The following ARHGAP24 variants were observed in gnomAD, a reference collection of about 807,000 sequenced individuals.
ARHGAP24 encodes the protein rho GTPase-activating protein 24.
In ARHGAP24, 50 loss-of-function variants were observed where a neutral mutation model predicts 76.4. That is an observed-to-expected ratio of 0.65 (90% CI 0.52 to 0.83). The LOEUF (loss-of-function observed/expected upper bound fraction) is 0.83, where lower values mean the gene tolerates loss of function less well. Ranked by LOEUF, ARHGAP24 falls within the 40% of genes least tolerant of loss-of-function variation. The probability of loss-of-function intolerance (pLI) is 0.00; values close to 1 mark genes in which losing one functional copy is unlikely to be tolerated. For synonymous variants in ARHGAP24, 345 were observed against 323.3 expected, an observed-to-expected ratio of 1.07 and a Z score of -0.72; for missense variants, 930 against 914.2, an observed-to-expected ratio of 1.02 and a Z score of -0.22.
At chr4:85,637,539 A>C (rs772132189) in intron 2 of ARHGAP24, among the ~76,000 whole-genome samples, 1 of 152,074 alleles carries the variant, frequency 6.6e-6, no homozygotes, top group Non-Finnish European at 1.5e-5. Context: ...CACTAGCCGC[A>C]TGGGGCTAAC....
chr4:85,852,860 G>A (rs1731317418), intron 3 of ARHGAP24, among the ~76,000 whole-genome samples: 2 of 152,300 alleles, frequency 1.3e-5, no homozygotes, highest in East Asian at 1.9e-4. Flanking sequence ...TCCCAGAGGG[G>A]CATACGGCAG....
intron 2 of ARHGAP24, among the ~76,000 whole-genome samples, chr4:85,691,779 C>A (rs1456367550): frequency 6.6e-6 from 1 of 152,116 alleles, no homozygotes; most frequent in East Asian, 1.9e-4. Context: ...TTGGGTGTTA[C>A]CTTTTTTATC....
chr4:85,784,581 T>C (rs943128761), intron 3 of ARHGAP24, among the ~76,000 whole-genome samples: 2 of 151,946 alleles, frequency 1.3e-5, no homozygotes, highest in African/African-American at 4.8e-5. Context: ...CAGCCCCTGC[T>C]CAGCCTGCAC....
chr4:85,897,453 G>A (rs1734240509), intron 3 of ARHGAP24, among the ~76,000 whole-genome samples: 1 of 152,094 alleles, frequency 6.6e-6, no homozygotes, highest in Admixed American at 6.5e-5. Flanking sequence ...AAAATGTTAA[G>A]GCATTATTTA....
chr4:85,561,841 G>C (rs1368412568), intron 1 of ARHGAP24, among the ~76,000 whole-genome samples: 3 of 152,158 alleles, frequency 2.0e-5, no homozygotes, highest in South Asian at 4.1e-4. Context: ...CCAAAGGGGA[G>C]ACAGAGAAAT....
At chr4:85,819,690 G>A (rs1257079982) in intron 3 of ARHGAP24, among the ~76,000 whole-genome samples, 2 of 152,120 alleles carry the variant, frequency 1.3e-5, no homozygotes, top group African/African-American at 2.4e-5. Flanking sequence ...AGGCTGAGGC[G>A]GGCAGATCAC....
chr4:85,980,139 A>C (rs1239506122), intron 8 of ARHGAP24, among the ~76,000 whole-genome samples: 1 of 152,214 alleles, frequency 6.6e-6, no homozygotes, highest in Non-Finnish European at 1.5e-5. Flanking sequence ...ATTTTAAGGC[A>C]AGCTAGATGC....
intron 2 of ARHGAP24, among the ~76,000 whole-genome samples, chr4:85,698,690 C>T (rs572306661): frequency 1.3e-5 from 2 of 152,152 alleles, no homozygotes; most frequent in African/African-American, 2.4e-5. Context: ...TGGGTTCTGG[C>T]GAGGGCTTCT....
intron 5 of ARHGAP24, among the ~76,000 whole-genome samples, chr4:85,960,374 A>C (rs970575523): frequency 6.6e-6 from 1 of 152,166 alleles, no homozygotes; most frequent in African/African-American, 2.4e-5. Flanking sequence ...GTTGAGATAA[A>C]TGTCTGTGAT....
chr4:85,598,842 G>A (rs1398494381), intron 2 of ARHGAP24, among the ~76,000 whole-genome samples: 1 of 150,534 alleles, frequency 6.6e-6, no homozygotes, highest in Non-Finnish European at 1.5e-5. Context: ...TACAGTGCAG[G>A]TCATAACTTT....
intron 3 of ARHGAP24, among the ~76,000 whole-genome samples, chr4:85,763,864 T>C (rs575400601): frequency 5.9e-5 from 9 of 152,164 alleles, no homozygotes. Flanking sequence ...AGAACTAGAG[T>C]CCTTCACAAT....
chr4:86,000,781 G>A lies in ARHGAP24; in HGVS notation c.*59G>A. On this transcript the variant is annotated 3_prime_UTR_variant, in exon 10 of 10. Transcript: ENST00000395184. The stretch of plus-strand genomic sequence containing the variant: ...GCAAGGACTCCAGGGATTCTGGTGG[G>A]ATATGACTTAGAACCAGGTGGCTGG... The A allele has an allele frequency of 6.2e-7, 1 of 1,610,300 alleles. No individual in the cohort carries two copies. Among genetic ancestry groups the A allele is most frequent in the Admixed American group, 1.7e-5 (1 of 59,792 alleles).
rs1211295414 is a variant in ARHGAP24 at position 85,909,623 on chromosome 4, A to G, written c.269-14025A>G. 2.0e-5 allele frequency among the ~76,000 whole-genome samples: 3 copies of G among 152,248 alleles called. No individual in the cohort carries two copies. The East Asian group carries it at 5.8e-4, about 29-fold the overall frequency. The stretch of plus-strand genomic sequence containing the variant: ...ACTTCTAATACTGCTGCATAAACCC[A>G]TGGGTGTTCATTAAGTGTTAATTAA... On this transcript the variant is annotated intron_variant, in intron 3 of 9. Transcript: ENST00000395184.
At chr4:85,768,212 A>G (rs532608989) in intron 3 of ARHGAP24, among the ~76,000 whole-genome samples, 2 of 152,368 alleles carry the variant, frequency 1.3e-5, no homozygotes, top group African/African-American at 4.8e-5. Context: ...GGCAAGTAAC[A>G]GTTTGATTTA....
rs1726157527 is a variant in ARHGAP24, at chr4:85,551,956, A to G, written c.-20-18566A>G. On this transcript the variant is annotated intron_variant, in intron 1 of 9. Coordinates refer to ENST00000395184, the MANE Select transcript of ARHGAP24 (RefSeq NM_001025616.3). The stretch of plus-strand genomic sequence containing the variant: ...TAGCTAATGGTCTACCTTATTTATT[A>G]TTTAAAAAACTCATGGATTCATTGA... Among the ~76,000 whole-genome samples the G allele has an allele frequency of 3.9e-5, 6 of 151,940 alleles. 1 individual carries two copies. The South Asian group carries it at 1.2e-3, about 32-fold the overall frequency.
At chr4:85,911,021 A>G (rs1735046664) in intron 3 of ARHGAP24, among the ~76,000 whole-genome samples, 2 of 152,176 alleles carry the variant, frequency 1.3e-5, no homozygotes, top group South Asian at 4.1e-4. Flanking sequence ...GCTAGGCAGC[A>G]GGGGCAGGCA....
At chr4:85,942,650 G>A (rs1160542809) in intron 5 of ARHGAP24, among the ~76,000 whole-genome samples, 1 of 151,930 alleles carries the variant, frequency 6.6e-6, no homozygotes, top group Admixed American at 6.6e-5. Flanking sequence ...TGAAATATTG[G>A]CAATGTAATT....
intron 2 of ARHGAP24, among the ~76,000 whole-genome samples, chr4:85,668,007 A>C (rs77661442): frequency 0.029 from 4,449 of 152,298 alleles, 202 homozygotes; most frequent in African/African-American, 0.1. Context: ...TAATATAAAT[A>C]TTAAAAGTCT....
intron 8 of ARHGAP24, among the ~76,000 whole-genome samples, chr4:85,978,039 A>G (rs1387794002): frequency 6.6e-6 from 1 of 152,250 alleles, no homozygotes; most frequent in Non-Finnish European, 1.5e-5. Context: ...TTTTCAGTTA[A>G]TATACATTTT....
Sources: gnomAD v4.1 joint callset for allele counts (sites outside exome capture counted in the v4.1 genomes callset) on GRCh38, gnomAD v4.1.1 for gene constraint, MANE v1.5 for transcripts, NCBI Gene and HGNC (gene_info 2026-07-23, HGNC 2026-07-21) for gene names.